Variants in ATXN8OS observed in about 807,000 individuals in gnomAD.
ATXN8OS encodes the protein ATXN8 opposite strand lncRNA.
intron 2 of ATXN8OS, among the ~76,000 whole-genome samples, chr13:70,125,074 A>T (rs1017182303): frequency 6.6e-6 from 1 of 152,062 alleles, no homozygotes; most frequent in African/African-American, 2.4e-5. Context: ...AATTACACGA[A>T]GTTGTAAATT....
rs558555058 is a variant in ATXN8OS, at chr13:70,155,137, C to T, written n.573+7709C>T. The stretch of plus-strand genomic sequence containing the variant: ...TCCTGTTTCAACCCGAGGTCTCTCT[C>T]GTCCTCCTGAATCCTGCAACAGTAC... On this transcript the variant is annotated intron_variant and non_coding_transcript_variant, in intron 4 of 4. Coordinates refer to ENST00000678624, the Ensembl canonical transcript of ATXN8OS. 6.7e-4 allele frequency among the ~76,000 whole-genome samples: 102 copies of T among 152,304 alleles called. No homozygotes were observed. In the South Asian group the frequency reaches 0.018, roughly 27 times the overall value.
intron 2 of ATXN8OS, among the ~76,000 whole-genome samples, chr13:70,129,583 TA>T (rs1161810153): frequency 4.6e-5 from 7 of 152,150 alleles, no homozygotes; most frequent in African/African-American, 1.7e-4. Flanking sequence ...ACCTAACTTT[TA>T]AAAAGTCCTT....
intron 4 of ATXN8OS, among the ~76,000 whole-genome samples, chr13:70,169,545 G>A (rs991238320): frequency 2.6e-5 from 4 of 151,952 alleles, no homozygotes; most frequent in African/African-American, 9.7e-5. Flanking sequence ...CCACCCGCTC[G>A]GCCTCCCAAA....
chr13:70,167,498 T>G (rs895282114), intron 4 of ATXN8OS, among the ~76,000 whole-genome samples: 2 of 151,788 alleles, frequency 1.3e-5, no homozygotes, highest in African/African-American at 4.8e-5. Context: ...CATCACACTC[T>G]GGGGACTGTT....
intron 3 of ATXN8OS, among the ~76,000 whole-genome samples, chr13:70,138,397 T>TTG (rs5804482): frequency 0.87 from 132,623 of 151,976 alleles, 58,095 homozygotes; most frequent in East Asian, 1. Context: ...TTTATCAAAT[T>TTG]TGTTAATTTT....
At chr13:70,121,268 C>G (rs1173079646) in intron 2 of ATXN8OS, among the ~76,000 whole-genome samples, 1 of 151,988 alleles carries the variant, frequency 6.6e-6, no homozygotes, top group Non-Finnish European at 1.5e-5. Context: ...GAAAGCCACT[C>G]GGGTAGCAAA....
intron 2 of ATXN8OS, among the ~76,000 whole-genome samples, chr13:70,125,618 G>A (rs748505671): frequency 6.6e-6 from 1 of 152,052 alleles, no homozygotes; most frequent in African/African-American, 2.4e-5. Context: ...CACATGAACT[G>A]GAATACTTGT....
chr13:70,169,689 T>C (rs963216585), intron 4 of ATXN8OS, among the ~76,000 whole-genome samples: 4 of 151,952 alleles, frequency 2.6e-5, no homozygotes, highest in African/African-American at 7.2e-5. Context: ...CCTCTCCTAA[T>C]AAAGATATCA....
intron 4 of ATXN8OS, among the ~76,000 whole-genome samples, chr13:70,160,570 T>C (rs914049322): frequency 4.6e-5 from 7 of 151,042 alleles, no homozygotes; most frequent in African/African-American, 1.7e-4. Context: ...ATTTTCAATA[T>C]GGAAATGCAG....
intron 2 of ATXN8OS, among the ~76,000 whole-genome samples, chr13:70,118,005 G>C (rs150613284): frequency 1.1e-4 from 17 of 152,148 alleles, no homozygotes; most frequent in African/African-American, 4.1e-4. Flanking sequence ...TGGTGAGCTT[G>C]TAGTTTTGTA....
chr13:70,163,030 TC>T (rs1347193819), intron 4 of ATXN8OS, among the ~76,000 whole-genome samples: 1 of 19,476 alleles, frequency 5.1e-5, no homozygotes, highest in Non-Finnish European at 3.7e-4. Flanking sequence ...TGCTATTCTC[TC>T]CCTTTTTTTT....
intron 3 of ATXN8OS, chr13:70,131,357 G>C: frequency 2.5e-6 from 1 of 398,376 alleles, no homozygotes; most frequent in East Asian, 3.6e-5. Flanking sequence ...TCTCCAAGCT[G>C]TAAGCAGAAA....
intron 2 of ATXN8OS, among the ~76,000 whole-genome samples, chr13:70,129,375 CTGTGTGTGTGTG>C (rs34731574): frequency 9.4e-5 from 14 of 149,090 alleles, no homozygotes; most frequent in South Asian, 2.1e-4. Context: ...TTGTATTTTT[CTGTGTGTGTGTG>C]TGTGTGTGTG....
intron 3 of ATXN8OS, chr13:70,129,928 G>C (rs1888506471): frequency 2.5e-6 from 1 of 398,134 alleles, no homozygotes; most frequent in South Asian, 1.3e-4. Flanking sequence ...GGCCAGGTGT[G>C]TGCCATTAGT....
chr13:70,131,918 T>A (rs1888539955), intron 3 of ATXN8OS, among the ~76,000 whole-genome samples: 1 of 152,136 alleles, frequency 6.6e-6, no homozygotes, highest in East Asian at 1.9e-4. Context: ...TGTGAATGTA[T>A]AAATGAATAA....
rs368963161 is a variant in ATXN8OS, at chr13:70,160,089, TTAAAA to T, written n.574-9661_574-9657del. ...TCTTATGGTTAATTGCATATTTAAC[TTAAAA>T]TAGAATATGCCAGAATGGCTGTACC... On this transcript the variant is annotated intron_variant and non_coding_transcript_variant, in intron 4 of 4. Transcript: ENST00000678624. 3.2e-4 allele frequency among the ~76,000 whole-genome samples: 49 copies of T among 152,326 alleles called. 2 individuals are homozygous for T. The East Asian group carries it at 8.1e-3, about 25-fold the overall frequency.
At chr13:70,115,301 A>G in intron 2 of ATXN8OS, 1 of 398,168 alleles carries the variant, frequency 2.5e-6, no homozygotes, top group Non-Finnish European at 4.4e-6. Flanking sequence ...CTACTCCTGT[A>G]AGTCCATTTT....
At chr13:70,127,081 C>G (rs1015192281) in intron 2 of ATXN8OS, among the ~76,000 whole-genome samples, 3 of 151,724 alleles carry the variant, frequency 2.0e-5, no homozygotes, top group African/African-American at 7.2e-5. Flanking sequence ...TTATCTATTT[C>G]CATCTCAGAG....
intron 4 of ATXN8OS, among the ~76,000 whole-genome samples, chr13:70,153,040 G>GTGTGTA (rs1404839036): frequency 1.3e-5 from 2 of 151,612 alleles, no homozygotes; most frequent in African/African-American, 4.8e-5. Context: ...GTGTGTGTGT[G>GTGTGTA]TGTGTGTGTG....
Sources: gnomAD v4.1 joint callset for allele counts (sites outside exome capture counted in the v4.1 genomes callset) on GRCh38, gnomAD v4.1.1 for gene constraint, MANE v1.5 for transcripts, NCBI Gene and HGNC (gene_info 2026-07-23, HGNC 2026-07-21) for gene names.